The following ABCB1 variants were observed in gnomAD, a reference collection of about 807,000 sequenced individuals.
ABCB1 encodes ATP-dependent translocase ABCB1.
ABCB1 carries 69 observed loss-of-function variants against 142.0 expected under a neutral mutation model. The ratio of observed to expected loss-of-function variants is 0.49; its 90% CI spans 0.40 to 0.59. ABCB1 has a LOEUF of 0.59. Ranked by LOEUF, ABCB1 falls within the 20% of genes least tolerant of loss-of-function variation. ABCB1 has a pLI of 0.00. For synonymous variants in ABCB1, 532 were observed against 539.2 expected (o/e 0.99, Z 0.18); for missense variants, 1,326 against 1,554.7 (o/e 0.85, Z 2.47).
chr7:87,608,043 T>C (rs1368438427), intron 1 of ABCB1, among the ~76,000 whole-genome samples: 1 of 152,182 alleles, frequency 6.6e-6, no homozygotes, highest in Non-Finnish European at 1.5e-5. Context: ...GTTGGAACTT[T>C]TTTGTTGGAT....
chr7:87,585,509 T>TA lies in ABCB1; in HGVS notation c.286+2dup, dbSNP rs750426123. ...ATAAAATTGGTACACAAACAATACT[T>TA]ACTTCTATTAGTGATGTTTGACATC... is the stretch of plus-strand genomic sequence containing the variant. On this transcript the variant is annotated splice_region_variant and intron_variant, in intron 4 of 27. Transcript: ENST00000622132. 1 of 1,613,294 alleles carries TA rather than the reference T, an allele frequency of 6.2e-7. No individual in the cohort carries two copies. The highest frequency in any genetic ancestry group is 8.5e-7 in the Non-Finnish European group (1 of 1,179,650).
At chr7:87,650,732 CTCT>C in intron 1 of ABCB1, 1 of 745,848 alleles carries the variant, frequency 1.3e-6, no homozygotes, top group Non-Finnish European at 2.4e-6. Flanking sequence ...ATTTTTACAA[CTCT>C]TCCCCAAATT....
chr7:87,643,108 G>A (rs1822615241), intron 1 of ABCB1, among the ~76,000 whole-genome samples: 1 of 152,120 alleles, frequency 6.6e-6, no homozygotes, highest in East Asian at 1.9e-4. Flanking sequence ...TATAGAGATG[G>A]GCTCTTGCTT....
chr7:87,604,878 C>T (rs920523562), upstream of ABCB1, among the ~76,000 whole-genome samples: 1 of 152,152 alleles, frequency 6.6e-6, no homozygotes, highest in Non-Finnish European at 1.5e-5. Context: ...TCTACCACTC[C>T]GCAATCCTAC....
At chr7:87,604,712 A>G (rs577930470), upstream of ABCB1, among the ~76,000 whole-genome samples, 1 of 152,310 alleles carries the variant, frequency 6.6e-6, no homozygotes, top group African/African-American at 2.4e-5. Context: ...AGCAACAGAC[A>G]TGAGTTGTGT....
intron 1 of ABCB1, chr7:87,628,981 G>C: frequency 7.7e-7 from 1 of 1,304,070 alleles, no homozygotes; most frequent in South Asian, 3.3e-5. Context: ...CCAGCCTCCC[G>C]CCGGGGCTGA....
chr7:87,575,399 G>C (rs1818231699), intron 4 of ABCB1, among the ~76,000 whole-genome samples: 1 of 152,106 alleles, frequency 6.6e-6, no homozygotes, highest in Admixed American at 6.6e-5. Flanking sequence ...AACCCAGAAT[G>C]AGAGCCACTT....
intron 21 of ABCB1, chr7:87,522,270 T>G (rs1815549602): frequency 2.2e-6 from 2 of 894,074 alleles, no homozygotes; most frequent in Non-Finnish European, 3.7e-6. Flanking sequence ...GTTTTACATT[T>G]TGGACCCATG....
At chr7:87,515,759 C>CT (rs373621469) in intron 24 of ABCB1, among the ~76,000 whole-genome samples, 5,762 of 145,520 alleles carry the variant, frequency 0.04, 155 homozygotes, top group Non-Finnish European at 0.061. Context: ...CCCAGCTAAT[C>CT]TTTTTTTTTT....
At chr7:87,677,274 AAC>A (rs57009840) in intron 1 of ABCB1, among the ~76,000 whole-genome samples, 13,968 of 135,500 alleles carry the variant, frequency 0.1, 719 homozygotes, top group Non-Finnish European at 0.11. Context: ...CAGTGTATAT[AAC>A]ACACACACAC....
chr7:87,613,370 C>A (rs759099035), intron 1 of ABCB1, among the ~76,000 whole-genome samples: 1 of 145,880 alleles, frequency 6.9e-6, no homozygotes, highest in African/African-American at 2.6e-5. Context: ...CAGGTATATA[C>A]CCAAAGGAGA....
chr7:87,704,778 T>C lies in ABCB1; in HGVS notation c.-331+8383A>G, dbSNP rs190301607. Among the ~76,000 whole-genome samples the C allele has an allele frequency of 2.6e-5, 4 of 152,328 alleles. No homozygotes were observed. In the East Asian group the frequency reaches 7.7e-4, roughly 29 times the overall value. ...TTGCCTAGTTATGCTGGGAAGAGTC[T>C]GTGGAGAAAGATTACCTCTCTTTAT... On this transcript the variant is annotated intron_variant, in intron 1 of 28. Transcript: ENST00000265724.
Position 87,520,818 on chromosome 7 carries a change from T to G in ABCB1, c.2744A>C (p.Lys915Thr), listed in dbSNP as rs1234949048. The part of the protein sequence containing the change: ...RTVVSLTQEQ[K>T]FEHMYAQSLQ... ...ACTCTGAGCATACATATGTTCAAACTTCTGCTCCTGAGTCAAAGAAACAAC... is the reference window on the plus strand; with the variant it reads ...ACTCTGAGCATACATATGTTCAAACGTCTGCTCCTGAGTCAAAGAAACAAC... Residue 915 changes from lysine (K) to threonine (T), a missense_variant, in exon 22 of 28, where the codon AAG becomes ACG. Lys to Thr is a moderately conservative substitution (Grantham distance 78). Transcript: ENST00000622132. 2.5e-6 allele frequency: 4 copies of G among 1,613,892 alleles called. No homozygotes were observed. The African/African-American group carries it at 4.0e-5, about 16-fold the overall frequency.
intron 4 of ABCB1, among the ~76,000 whole-genome samples, chr7:87,580,313 T>C (rs1480517206): frequency 2.6e-5 from 4 of 152,214 alleles, no homozygotes; most frequent in South Asian, 2.1e-4. Context: ...GATATTTTCA[T>C]TGGATATTCT....
At chr7:87,660,432 A>G (rs1449285685) in intron 1 of ABCB1, among the ~76,000 whole-genome samples, 1 of 152,146 alleles carries the variant, frequency 6.6e-6, no homozygotes, top group Non-Finnish European at 1.5e-5. Flanking sequence ...CACTTAAAGT[A>G]GATTAATTCA....
At chr7:87,536,616 G>T (rs1816306746) in intron 19 of ABCB1, 75 bp from the exon 20 acceptor site, 5 of 1,386,416 alleles carry the variant, frequency 3.6e-6, no homozygotes, top group Non-Finnish European at 5.1e-6. Context: ...CAGCGATGGG[G>T]TCAGTTTTGT....
intron 8 of ABCB1, among the ~76,000 whole-genome samples, chr7:87,560,488 C>T (rs1403393203): frequency 6.6e-6 from 1 of 152,166 alleles, no homozygotes; most frequent in Admixed American, 6.5e-5. Context: ...CACAACTTCT[C>T]ATCTTCCCTA....
In ABCB1 at chr7:87,504,368, C is replaced by T; in HGVS notation, c.3718G>A (p.Ala1240Thr). The change falls in exon 28 of 28, where the codon GCA becomes ACA. Residue 1240 changes from alanine (A) to threonine (T), a missense_variant. Transcript: ENST00000622132. ...TTCTGAAACACCACTATTAAGTCTG[C>T]ATTCTGGATGGTGGACAGGCGGTGA... The part of the protein sequence containing the change: ...IAHRLSTIQN[A>T]DLIVVFQNGR... 6.2e-7 allele frequency: 1 copy of T among 1,614,110 alleles called. No homozygotes were observed. Among genetic ancestry groups the T allele is most frequent in the Non-Finnish European group, 8.5e-7 (1 of 1,179,988 alleles).
intron 1 of ABCB1, chr7:87,709,411 G>T (rs116029881): frequency 2.0e-6 from 2 of 985,308 alleles, no homozygotes; most frequent in African/African-American, 3.5e-5. Flanking sequence ...TCCTTCCTCT[G>T]TTCCAATCAG....
Sources: allele counts gnomAD v4.1 joint callset (sites outside exome capture counted in the v4.1 genomes callset), GRCh38; gene constraint gnomAD v4.1.1; transcripts MANE v1.5; gene names NCBI Gene and HGNC (gene_info 2026-07-23, HGNC 2026-07-21).